The following DENND2A variants were observed in gnomAD, a reference collection of about 807,000 sequenced individuals.
DENND2A encodes the protein DENN domain containing 2A.
A neutral mutation model predicts 105.3 loss-of-function variants in DENND2A; 53 were observed. That is an observed-to-expected ratio of 0.50 (90% CI 0.40 to 0.63). The LOEUF (loss-of-function observed/expected upper bound fraction) is 0.63, where lower values mean the gene tolerates loss of function less well. Among genes scored for constraint, DENND2A ranks in the 30% least tolerant of loss-of-function variants. The probability of loss-of-function intolerance (pLI) is 0.00; values close to 1 mark genes in which losing one functional copy is unlikely to be tolerated. For synonymous variants in DENND2A, 522 were observed against 508.4 expected, an observed-to-expected ratio of 1.03 and a Z score of -0.36; for missense variants, 1,138 against 1,279.6, an observed-to-expected ratio of 0.89 and a Z score of 1.69.
At chr7:140,600,138 G>C (rs1158904595) in intron 3 of DENND2A, among the ~76,000 whole-genome samples, 3 of 152,050 alleles carry the variant, frequency 2.0e-5, no homozygotes, top group African/African-American at 7.2e-5. Flanking sequence ...TTAGAAGGAT[G>C]ACAATTATTT....
intron 5 of DENND2A, among the ~76,000 whole-genome samples, chr7:140,581,728 C>A (rs1798551672): frequency 6.6e-6 from 1 of 152,180 alleles, no homozygotes; most frequent in Non-Finnish European, 1.5e-5. Flanking sequence ...GGATCCGTGG[C>A]AATCAGACAC....
chr7:140,630,051 G>C (rs1800679123), intron 1 of DENND2A, among the ~76,000 whole-genome samples: 2 of 151,730 alleles, frequency 1.3e-5, no homozygotes, highest in African/African-American at 4.8e-5. Flanking sequence ...AGTGGAGACG[G>C]GGTTTCACCA....
At chr7:140,574,087 G>A (rs966869595) in intron 5 of DENND2A, 79 bp from the exon 6 acceptor site, 60 of 1,518,452 alleles carry the variant, frequency 4.0e-5, no homozygotes, top group South Asian at 2.7e-4. Flanking sequence ...TGCCAGGGAC[G>A]AGACAATGAA....
chr7:140,521,268 T>A (rs1795849949), intron 18 of DENND2A, among the ~76,000 whole-genome samples: 1 of 151,890 alleles, frequency 6.6e-6, no homozygotes, highest in African/African-American at 2.4e-5. Context: ...TCCAATCAGT[T>A]TTCTTTTTCT....
chr7:140,573,183 T>C (rs1226909532), intron 6 of DENND2A, among the ~76,000 whole-genome samples: 1 of 152,198 alleles, frequency 6.6e-6, no homozygotes, highest in Non-Finnish European at 1.5e-5. Context: ...CCTGTTAATC[T>C]GTTTTACGTC....
intron 1 of DENND2A, among the ~76,000 whole-genome samples, chr7:140,638,574 C>A (rs1303944723): frequency 6.6e-6 from 1 of 152,194 alleles, no homozygotes; most frequent in East Asian, 1.9e-4. Flanking sequence ...ACTCCTGCCT[C>A]CTTCTGGCAG....
intron 1 of DENND2A, among the ~76,000 whole-genome samples, chr7:140,620,304 C>A (rs1800236147): frequency 7.4e-6 from 1 of 135,736 alleles, no homozygotes; most frequent in Admixed American, 9.0e-5. Flanking sequence ...GAAACAGAAT[C>A]CAAAACCTTG....
intron 3 of DENND2A, among the ~76,000 whole-genome samples, chr7:140,591,092 G>C (rs1798997825): frequency 6.6e-6 from 1 of 152,082 alleles, no homozygotes; most frequent in African/African-American, 2.4e-5. Context: ...GAGCTCAGGA[G>C]TTTCAGACCA....
chr7:140,578,658 A>T (rs1798407236), intron 5 of DENND2A, among the ~76,000 whole-genome samples: 1 of 152,126 alleles, frequency 6.6e-6, no homozygotes, highest in South Asian at 2.1e-4. Context: ...AGGCGGGTGG[A>T]TCACTTGAGG....
intron 14 of DENND2A, among the ~76,000 whole-genome samples, chr7:140,540,125 C>T (rs1796606920): frequency 6.6e-6 from 1 of 152,220 alleles, no homozygotes; most frequent in East Asian, 1.9e-4. Context: ...GGTCTAAAAA[C>T]CCAATGACGG....
Position 140,532,884 on chromosome 7 carries a change from A to T in DENND2A, c.2328-5389T>A, listed in dbSNP as rs534546337. On this transcript the variant is annotated intron_variant, in intron 14 of 19. Coordinates refer to ENST00000496613, the MANE Select transcript of DENND2A (RefSeq NM_015689.5). ...CTAAAACAAAAAATTAAATGTATATAAAAAGGAGGATAGCCTATGTGTGTT... is the reference window on the plus strand; with the variant it reads ...CTAAAACAAAAAATTAAATGTATATTAAAAGGAGGATAGCCTATGTGTGTT... Among the ~76,000 whole-genome samples, 12 of 93,540 alleles carry T rather than the reference A, an allele frequency of 1.3e-4. No homozygotes were observed. In the East Asian group the frequency reaches 2.5e-3, roughly 20 times the overall value. 61.4% of individuals were successfully genotyped at this position (93,540 alleles called of 152,430 possible).
At chr7:140,626,152 G>A (rs539104724) in intron 1 of DENND2A, among the ~76,000 whole-genome samples, 27 of 152,314 alleles carry the variant, frequency 1.8e-4, no homozygotes, top group East Asian at 5.8e-4. Flanking sequence ...TGACGGCACC[G>A]TACGGGCCTT....
At chr7:140,626,826 G>A (rs760588953) in intron 1 of DENND2A, among the ~76,000 whole-genome samples, 23 of 152,240 alleles carry the variant, frequency 1.5e-4, no homozygotes, top group African/African-American at 5.3e-4. Context: ...GAATGGAGCT[G>A]AGGCTACTCC....
intron 3 of DENND2A, among the ~76,000 whole-genome samples, chr7:140,591,371 G>C (rs1028064815): frequency 6.6e-6 from 1 of 152,150 alleles, no homozygotes; most frequent in Non-Finnish European, 1.5e-5. Context: ...TTCATCAAAA[G>C]GTTTCTCAAA....
At chr7:140,522,142 A>G in intron 17 of DENND2A, 42 bp from the exon 18 acceptor site, 1 of 1,607,990 alleles carries the variant, frequency 6.2e-7, no homozygotes, top group African/African-American at 1.3e-5. Context: ...GAGGGCAGAC[A>G]GGCTGGGCCA....
In DENND2A at chr7:140,559,762, G is replaced by C. The variant is rs1797539880; in HGVS notation, c.1835C>G (p.Pro612Arg). The change falls in exon 10 of 20, where the codon CCC becomes CGC. Residue 612 changes from proline to arginine, a missense_variant. Pro to Arg is a moderately radical substitution (Grantham distance 103, BLOSUM62 -2). Around this residue, in one of 2 missense-constraint regions of DENND2A, gnomAD observed 627 missense variants for 779.8 expected, o/e 0.80. Coordinates refer to ENST00000496613, the MANE Select transcript of DENND2A (RefSeq NM_015689.5). This position sits in a 1 kb window ranked among gnomAD's most constrained non-coding sequence, Gnocchi z 4.1. ...CTTGGCATCGGGAAAACAGAACTGG[G>C]GAATGGCCTTCAGTTGGTCCTCAGC... ...REAEDQLKAI[P>R]QFCFPDAKDW... 2.5e-6 allele frequency: 4 copies of C among 1,614,150 alleles called. No individual in the cohort carries two copies. Among genetic ancestry groups the C allele is most frequent in the Non-Finnish European group, 3.4e-6 (4 of 1,180,020 alleles).
rs61737089 is a variant in DENND2A, at chr7:140,601,582, C to T, written c.816G>A (p.Thr272=). 25 of 1,613,930 alleles carry T rather than the reference C, an allele frequency of 1.5e-5. No individual in the cohort carries two copies. The highest frequency in any genetic ancestry group is 1.3e-4 in the African/African-American group (10 of 74,904). ...FINPLPKPRR[T]FKHAGEGDKD... Reference sequence around the variant, plus strand: ...TGTCCCCTTCTCCGGCATGTTTGAACGTTCTCCGGGGTTTTGGCAGAGGGT... The same window carrying T: ...TGTCCCCTTCTCCGGCATGTTTGAATGTTCTCCGGGGTTTTGGCAGAGGGT... Residue 272 remains threonine (T), a synonymous_variant, in exon 3 of 20, where the codon ACG becomes ACA. Coordinates refer to ENST00000496613, the MANE Select transcript of DENND2A (RefSeq NM_015689.5).
chr7:140,591,711 T>TCTTTC (rs1554475953), intron 3 of DENND2A, among the ~76,000 whole-genome samples: 5,978 of 146,444 alleles, frequency 0.041, 138 homozygotes, highest in Middle Eastern at 0.063. Context: ...CCTTCCTTCT[T>TCTTTC]TCTCTCTCTT....
At chr7:140,591,798 TTTC>T (rs1338963160) in intron 3 of DENND2A, among the ~76,000 whole-genome samples, 5 of 139,416 alleles carry the variant, frequency 3.6e-5, no homozygotes, top group African/African-American at 1.5e-4. Context: ...TTTTCTTTTC[TTTC>T]TTTCTTTTTC....
Sources: allele counts gnomAD v4.1 joint callset (sites outside exome capture counted in the v4.1 genomes callset), GRCh38; gene constraint gnomAD v4.1.1; regional missense constraint gnomAD v4.1.1; non-coding constraint Gnocchi (gnomAD v3.1); transcripts MANE v1.5; gene names NCBI Gene and HGNC (gene_info 2026-07-23, HGNC 2026-07-21).